HARBI1: variants seen among roughly 807,000 people sequenced by gnomAD.
HARBI1 encodes putative nuclease HARBI1.
A neutral mutation model predicts 25.3 loss-of-function variants in HARBI1; 15 were observed. The ratio of observed to expected loss-of-function variants is 0.59; its 90% CI spans 0.40 to 0.91. The LOEUF is 0.91. HARBI1 is among the 40% of genes least tolerant of loss of function. The pLI, the probability that HARBI1 is intolerant of heterozygous loss-of-function variation, is 0.00. For synonymous variants in HARBI1, 168 were observed against 160.5 expected, an observed-to-expected ratio of 1.05 and a Z score of -0.35; for missense variants, 396 against 445.8, an observed-to-expected ratio of 0.89 and a Z score of 1.01.
In HARBI1 at chr11:46,615,791, G is replaced by A. The variant is rs1485087334; in HGVS notation, c.447C>T (p.Asp149=). The part of the protein sequence containing the change: ...AGMPGVMGVV[D]CIHVAIKAPN... ...GTGCCTTGATGGCCACATGGATACAGTCAACCACCCCCATCACCCCTGGCA... is the reference window on the plus strand; with the variant it reads ...GTGCCTTGATGGCCACATGGATACAATCAACCACCCCCATCACCCCTGGCA... Residue 149 remains aspartate, a synonymous_variant, in exon 2 of 3, where the codon GAC becomes GAT. Transcript: ENST00000326737. The A allele has an allele frequency of 1.2e-6, 2 of 1,614,174 alleles. No individual in the cohort carries two copies. The highest frequency in any genetic ancestry group is 1.7e-6 in the Non-Finnish European group (2 of 1,180,028).
intron 2 of HARBI1, chr11:46,604,637 G>A (rs1790658769): frequency 2.0e-6 from 2 of 984,616 alleles, no homozygotes; most frequent in Non-Finnish European, 2.4e-6. Flanking sequence ...GGATTTCAGG[G>A]GATTTCATGG....
At position 46,616,310 on chromosome 11, in the gene HARBI1, G is replaced by GT. The variant is rs1479703525; in HGVS notation, c.-74dup. Reference sequence around the variant, plus strand: ...CCAATGAAGATGTTGGTGCAAGAACGTATTTTTAAGAAAGTATCAGAATCC... The same window carrying GT: ...CCAATGAAGATGTTGGTGCAAGAACGTTATTTTTAAGAAAGTATCAGAATCC... On this transcript the variant is annotated 5_prime_UTR_variant, in exon 2 of 3. Coordinates refer to ENST00000326737, the MANE Select transcript of HARBI1 (RefSeq NM_173811.4). 8.6e-6 allele frequency: 13 copies of GT among 1,518,638 alleles called. No homozygotes were observed. Among genetic ancestry groups the GT allele is most frequent in the African/African-American group, 6.9e-5 (5 of 72,236 alleles). 94.1% of individuals were successfully genotyped at this position (1,518,638 alleles called of 1,614,324 possible).
At chr11:46,612,304 A>C (rs1306274206) in intron 2 of HARBI1, among the ~76,000 whole-genome samples, 1 of 152,158 alleles carries the variant, frequency 6.6e-6, no homozygotes, top group Non-Finnish European at 1.5e-5. Flanking sequence ...CAAAAGTTAG[A>C]GAAGTCTTCT....
intron 2 of HARBI1, among the ~76,000 whole-genome samples, chr11:46,611,395 C>G (rs527622002): frequency 1.3e-5 from 2 of 151,998 alleles, no homozygotes; most frequent in Non-Finnish European, 2.9e-5. Context: ...ATTTTAAGGG[C>G]TAAGTTTTAG....
At position 46,616,279 on chromosome 11, in the gene HARBI1, C is replaced by T; in HGVS notation, c.-42G>A. 1 of 1,568,412 alleles carries T rather than the reference C, an allele frequency of 6.4e-7. No homozygotes were observed. The highest frequency in any genetic ancestry group is 1.2e-5 in the South Asian group (1 of 86,520). ...GGCTCTCCTCTTTGCTTTTTCTGAA[C>T]TGTTCCCAATGAAGATGTTGGTGCA... On this transcript the variant is annotated 5_prime_UTR_variant, in exon 2 of 3. Coordinates refer to ENST00000326737, the MANE Select transcript of HARBI1 (RefSeq NM_173811.4).
chr11:46,616,455 CT>C (rs2045477562), intron 1 of HARBI1, 74 bp from the exon 2 acceptor site: 2 of 1,366,502 alleles, frequency 1.5e-6, no homozygotes, highest in African/African-American at 2.9e-5. Context: ...GGAGCAGCTC[CT>C]TTTCTACAAA....
At position 46,616,153 on chromosome 11, in the gene HARBI1, C is replaced by G. The variant is rs1233574826; in HGVS notation, c.85G>C (p.Asp29His). 1.2e-6 allele frequency: 2 copies of G among 1,614,046 alleles called. No homozygotes were observed. Among genetic ancestry groups the G allele is most frequent in the Non-Finnish European group, 1.7e-6 (2 of 1,180,052 alleles). The part of the protein sequence containing the change: ...HRTLDRFKLD[D>H]VTDEYLMSMY... The stretch of plus-strand genomic sequence containing the variant: ...GACATCAAGTATTCATCAGTCACAT[C>G]ATCCAGCTTAAAACGGTCCAATGTC... Residue 29 changes from aspartate to histidine, a missense_variant, in exon 2 of 3, where the codon GAT becomes CAT. Asp to His is a moderately conservative substitution (Grantham distance 81). Transcript: ENST00000326737.
rs2044825293 is a variant in HARBI1 at position 46,603,228 on chromosome 11, G to C, written c.*302C>G. ...GTCTTGAACTCCTGACCTTTACTAT[G>C]ACTTTGTAGGCACAGTCATAAATGT... On this transcript the variant is annotated 3_prime_UTR_variant, in exon 3 of 3. Coordinates refer to ENST00000326737, the MANE Select transcript of HARBI1 (RefSeq NM_173811.4). 5.2e-6 allele frequency: 1 copy of C among 192,608 alleles called. No homozygotes were observed. Among genetic ancestry groups the C allele is most frequent in the Non-Finnish European group, 1.1e-5 (1 of 94,234 alleles). The allele number at this position is 192,608 out of a possible 1,614,324, so 11.9% of individuals were successfully genotyped here. A position where few individuals can be genotyped will look rare whatever the true frequency, so the allele number is the denominator to read the frequency against.
Position 46,617,167 on chromosome 11 carries a change from C to T in HARBI1, c.-188G>A, listed in dbSNP as rs1000194244. 7.6e-5 allele frequency: 19 copies of T among 249,456 alleles called. No homozygotes were observed. The highest frequency in any genetic ancestry group is 5.7e-5 in the Non-Finnish European group (9 of 157,172). 15.5% of individuals were successfully genotyped at this position (249,456 alleles called of 1,614,324 possible). ...TTACCAGCCACACTTCCCACCCACC[C>T]AGCCGGGTTGGGCCCTCCTCCGGAA... is the stretch of plus-strand genomic sequence containing the variant. On this transcript the variant is annotated 5_prime_UTR_variant, in exon 1 of 3. Coordinates refer to ENST00000326737, the MANE Select transcript of HARBI1 (RefSeq NM_173811.4).
At chr11:46,610,617 A>G (rs978080907) in intron 2 of HARBI1, among the ~76,000 whole-genome samples, 4 of 151,904 alleles carry the variant, frequency 2.6e-5, no homozygotes, top group Non-Finnish European at 5.9e-5. Flanking sequence ...CCGAGATCGC[A>G]CCACTGCACT....
At position 46,607,973 on chromosome 11, in the gene HARBI1, C is replaced by A. The variant is rs556984237; in HGVS notation, c.671-4064G>T. 2.7e-5 allele frequency among the ~76,000 whole-genome samples: 4 copies of A among 146,574 alleles called. No individual in the cohort carries two copies. The South Asian group carries it at 6.6e-4, about 24-fold the overall frequency. On this transcript the variant is annotated intron_variant, in intron 2 of 2. Coordinates refer to ENST00000326737, the MANE Select transcript of HARBI1 (RefSeq NM_173811.4). Reference sequence around the variant, plus strand: ...AGTTCTAGGTTTGACAAATCTAGAACTGTTCCTCAAACCTAAGGGTTGTTT... The same window carrying A: ...AGTTCTAGGTTTGACAAATCTAGAAATGTTCCTCAAACCTAAGGGTTGTTT...
At chr11:46,614,764 G>C (rs1477343427) in intron 2 of HARBI1, among the ~76,000 whole-genome samples, 1 of 152,046 alleles carries the variant, frequency 6.6e-6, no homozygotes, top group Non-Finnish European at 1.5e-5. Context: ...CTAACAGTAT[G>C]CTTTAAAGTT....
chr11:46,604,890 CCTT>C (rs144038921), intron 2 of HARBI1, among the ~76,000 whole-genome samples: 1 of 152,270 alleles, frequency 6.6e-6, no homozygotes, highest in African/African-American at 2.4e-5. Flanking sequence ...AAGGCATTCT[CCTT>C]AAGTGACTTC....
intron 2 of HARBI1, among the ~76,000 whole-genome samples, chr11:46,605,219 A>C (rs1320296302): frequency 6.6e-6 from 1 of 152,002 alleles, no homozygotes; most frequent in African/African-American, 2.4e-5. Flanking sequence ...AGGCGCTTAC[A>C]TTTATTTTTT....
intron 2 of HARBI1, among the ~76,000 whole-genome samples, chr11:46,610,532 C>T (rs576588624): frequency 2.0e-5 from 3 of 151,824 alleles, no homozygotes; most frequent in East Asian, 1.9e-4. Context: ...TGGTGGCGGG[C>T]GCCTATAGTC....
chr11:46,612,342 T>C (rs868642427), intron 2 of HARBI1, among the ~76,000 whole-genome samples: 3 of 152,078 alleles, frequency 2.0e-5, no homozygotes, highest in Non-Finnish European at 4.4e-5. Flanking sequence ...TCATCTCTTA[T>C]ATGTTGTATA....
chr11:46,617,599 C>T (rs1254993022), upstream of HARBI1: 4 of 261,650 alleles, frequency 1.5e-5, no homozygotes, highest in Non-Finnish European at 2.8e-5. Flanking sequence ...ATGGCGGCGC[C>T]GGGAAGCGAC....
chr11:46,606,956 C>A (rs1334373359), intron 2 of HARBI1, among the ~76,000 whole-genome samples: 1 of 152,164 alleles, frequency 6.6e-6, no homozygotes, highest in Non-Finnish European at 1.5e-5. Flanking sequence ...ACCACCACAC[C>A]CAGCTGGTAC....
At chr11:46,617,545 C>CT (rs914054715), upstream of HARBI1, 2 of 239,548 alleles carry the variant, frequency 8.3e-6, no homozygotes, top group Non-Finnish European at 1.5e-5. Context: ...CTTTCACCCC[C>CT]CCCCCCCGGC....
Sources: allele counts gnomAD v4.1 joint callset (sites outside exome capture counted in the v4.1 genomes callset), GRCh38; gene constraint gnomAD v4.1.1; transcripts MANE v1.5; gene names NCBI Gene and HGNC (gene_info 2026-07-23, HGNC 2026-07-21).